Variants in AATF observed in about 807,000 individuals in gnomAD.
AATF encodes apoptosis antagonizing transcription factor, also known as protein AATF.
A neutral mutation model predicts 63.7 loss-of-function variants in AATF; 48 were observed. The ratio of observed to expected loss-of-function variants is 0.75; its 90% CI spans 0.60 to 0.96. The LOEUF (loss-of-function observed/expected upper bound fraction) is 0.96. Ranked by LOEUF, AATF falls within the 40% of genes least tolerant of loss-of-function variation. The pLI, the probability that AATF is intolerant of heterozygous loss-of-function variation, is 0.00. For synonymous variants in AATF, 258 were observed against 247.7 expected (o/e 1.04, Z -0.39); for missense variants, 639 against 685.7 (o/e 0.93, Z 0.76).
intron 4 of AATF, among the ~76,000 whole-genome samples, chr17:36,980,880 G>A (rs564916675): frequency 2.0e-5 from 3 of 151,228 alleles, no homozygotes; most frequent in Admixed American, 2.0e-4. Flanking sequence ...GGCCACTGGT[G>A]ACATTTACTT....
At chr17:36,960,030 C>T (rs573676466) in intron 4 of AATF, among the ~76,000 whole-genome samples, 2 of 151,992 alleles carry the variant, frequency 1.3e-5, no homozygotes, top group East Asian at 1.9e-4. Flanking sequence ...TTTTCCCCCC[C>T]CGAGATGGAG....
At chr17:37,056,318 G>C (rs2071797579) in intron 11 of AATF, 1 of 410,154 alleles carries the variant, frequency 2.4e-6, no homozygotes, top group Non-Finnish European at 4.4e-6. Flanking sequence ...ATTCAATCTT[G>C]TTTTCTTACT....
At chr17:36,984,579 G>A (rs772125134) in intron 4 of AATF, among the ~76,000 whole-genome samples, 9 of 152,204 alleles carry the variant, frequency 5.9e-5, no homozygotes, top group Admixed American at 6.5e-5. Flanking sequence ...AGCCCCTTGA[G>A]TAGGGTTATT....
At chr17:36,999,384 G>A (rs1295248057) in intron 8 of AATF, among the ~76,000 whole-genome samples, 2 of 152,188 alleles carry the variant, frequency 1.3e-5, no homozygotes, top group East Asian at 3.8e-4. Context: ...GCATGTGGCT[G>A]TTTAGATTTA....
intron 4 of AATF, among the ~76,000 whole-genome samples, chr17:36,972,418 A>T (rs1398211017): frequency 3.9e-5 from 6 of 152,230 alleles, no homozygotes; most frequent in African/African-American, 1.4e-4. Flanking sequence ...AAATTGAAGT[A>T]GAAAATGTTT....
At chr17:36,952,162 T>C (rs945701454) in intron 2 of AATF, among the ~76,000 whole-genome samples, 6 of 152,260 alleles carry the variant, frequency 3.9e-5, no homozygotes, top group Non-Finnish European at 8.8e-5. Context: ...CCCTTCATTA[T>C]CTATGAGCTG....
At chr17:37,013,859 C>G (rs2071410307) in intron 8 of AATF, among the ~76,000 whole-genome samples, 1 of 152,120 alleles carries the variant, frequency 6.6e-6, no homozygotes, top group Non-Finnish European at 1.5e-5. Context: ...CTGTTTTTCC[C>G]TATATACTCC....
chr17:36,958,696 G>A (rs1383977517), intron 4 of AATF, among the ~76,000 whole-genome samples: 1 of 152,146 alleles, frequency 6.6e-6, no homozygotes, highest in Non-Finnish European at 1.5e-5. Flanking sequence ...TATTTCATCT[G>A]TAGTTGTACC....
rs1406862326 is a variant in AATF at position 37,016,342 on chromosome 17, A to G, written c.1399-2663A>G. Among the ~76,000 whole-genome samples, 11 of 152,326 alleles carry G rather than the reference A, an allele frequency of 7.2e-5. No individual in the cohort carries two copies. In the East Asian group the frequency reaches 1.7e-3, roughly 24 times the overall value. The stretch of plus-strand genomic sequence containing the variant: ...AATGAAAGTATTATAAATGTTGATT[A>G]GATGCTTAATAGTACTATTAGTCCT... On this transcript the variant is annotated intron_variant, in intron 8 of 11. Transcript: ENST00000619387.
At chr17:37,031,333 A>T (rs2071550353) in intron 10 of AATF, 1 of 476,852 alleles carries the variant, frequency 2.1e-6, no homozygotes, top group Non-Finnish European at 3.8e-6. Context: ...ATGTGTGTAG[A>T]TTACATGCAA....
Position 36,990,790 on chromosome 17 carries a change from C to T in AATF, c.1331C>T (p.Ala444Val), listed in dbSNP as rs1597715756. The T allele has an allele frequency of 6.3e-7, 1 of 1,592,510 alleles. No homozygotes were observed. Among genetic ancestry groups the T allele is most frequent in the East Asian group, 2.3e-5 (1 of 43,350 alleles). Residue 444 changes from alanine to valine, a missense_variant, in exon 8 of 12, where the codon GCC becomes GTC. Ala to Val is a moderately conservative substitution (Grantham distance 64). Coordinates refer to ENST00000619387, the MANE Select transcript of AATF (RefSeq NM_012138.4). ...LPGEPEILPQ[A>V]PANAHLKDLD... ...TTAACATAGGAGATCCTTCCTCAAG[C>T]CCCTGCTAATGCTCATCTGAAGGAC...
chr17:36,968,141 CTCT>C (rs1159881811), intron 4 of AATF, among the ~76,000 whole-genome samples: 1 of 151,328 alleles, frequency 6.6e-6, no homozygotes, highest in Non-Finnish European at 1.5e-5. Flanking sequence ...GATTCTTTTT[CTCT>C]TCAATTTTTC....
intron 8 of AATF, among the ~76,000 whole-genome samples, chr17:36,997,104 A>G (rs1221689010): frequency 1.3e-5 from 2 of 152,230 alleles, no homozygotes; most frequent in Non-Finnish European, 2.9e-5. Context: ...CTGAGTGTAA[A>G]TTAAACACAG....
intron 10 of AATF, among the ~76,000 whole-genome samples, chr17:37,025,341 G>T (rs1189354848): frequency 6.6e-6 from 1 of 152,152 alleles, no homozygotes; most frequent in African/African-American, 2.4e-5. Context: ...TTTATTAGTT[G>T]ATAGTTTGGC....
chr17:37,041,901 A>G (rs555959386), intron 11 of AATF, among the ~76,000 whole-genome samples: 25 of 152,336 alleles, frequency 1.6e-4, no homozygotes, highest in African/African-American at 5.8e-4. Context: ...GAGGACATAT[A>G]ATATGGTAGG....
At chr17:37,046,290 G>T (rs1217229812) in intron 11 of AATF, among the ~76,000 whole-genome samples, 2 of 152,218 alleles carry the variant, frequency 1.3e-5, no homozygotes, top group South Asian at 2.1e-4. Flanking sequence ...TCACGCGGAG[G>T]AGACCATTAG....
At chr17:36,985,172 G>T (rs1485549860) in intron 4 of AATF, among the ~76,000 whole-genome samples, 1 of 152,074 alleles carries the variant, frequency 6.6e-6, no homozygotes, top group Non-Finnish European at 1.5e-5. Flanking sequence ...AAAGTGCTGG[G>T]ATTACAGGCA....
At chr17:37,042,737 C>CTTTTTTTTTT (rs556843023) in intron 11 of AATF, among the ~76,000 whole-genome samples, 1 of 137,374 alleles carries the variant, frequency 7.3e-6, no homozygotes, top group African/African-American at 2.6e-5. Flanking sequence ...TTTTTTCTTT[C>CTTTTTTTTTT]TTTTTTTTTT....
chr17:36,954,751 G>C (rs2142204038), intron 4 of AATF, among the ~76,000 whole-genome samples: 2 of 152,314 alleles, frequency 1.3e-5, no homozygotes, highest in South Asian at 4.1e-4. Context: ...GAGCTTATTT[G>C]TGTATGGCGG....
Sources: allele counts gnomAD v4.1 joint callset (sites outside exome capture counted in the v4.1 genomes callset), GRCh38; gene constraint gnomAD v4.1.1; transcripts MANE v1.5; gene names NCBI Gene and HGNC (gene_info 2026-07-23, HGNC 2026-07-21).